The following COL20A1 variants were observed in gnomAD, a reference collection of about 807,000 sequenced individuals.
COL20A1 encodes the protein collagen type XX alpha 1 chain.
In COL20A1, 164 loss-of-function variants were observed where a neutral mutation model predicts 152.9. The ratio of observed to expected loss-of-function variants is 1.07; its 90% confidence interval spans 0.94 to 1.22. The LOEUF (loss-of-function observed/expected upper bound fraction) is 1.22. Ranked by LOEUF, COL20A1 falls within the 50% of genes most tolerant of loss-of-function variation. The pLI, the probability that COL20A1 is intolerant of heterozygous loss-of-function variation, is 0.00. For synonymous variants in COL20A1, 864 were observed against 756.0 expected (o/e 1.14, Z -2.34); for missense variants, 1,873 against 1,744.8 (o/e 1.07, Z -1.31).
At position 63,333,010 on chromosome 20, in the gene COL20A1, A is replaced by G. The variant is rs2068352095; in HGVS notation, c.*2294A>G. The G allele has an allele frequency of 6.6e-6, 1 of 151,894 alleles. No individual in the cohort carries two copies. Among genetic ancestry groups the G allele is most frequent in the Non-Finnish European group, 1.5e-5 (1 of 67,980 alleles). 9.4% of individuals were successfully genotyped at this position (151,894 alleles called of 1,614,324 possible). A position where few individuals can be genotyped will look rare whatever the true frequency, so the allele number is the denominator to read the frequency against. On this transcript the variant is annotated 3_prime_UTR_variant, in exon 36 of 36. Coordinates refer to ENST00000358894, the MANE Select transcript of COL20A1 (RefSeq NM_020882.4). The stretch of plus-strand genomic sequence containing the variant: ...CTCCCATCAGCCCCGACTCCACCGC[A>G]TCCCTCTGGGTCCTTTTAGGAGCCC...
intron 21 of COL20A1, among the ~76,000 whole-genome samples, chr20:63,317,794 C>T (rs1427642840): frequency 6.6e-6 from 1 of 152,040 alleles, no homozygotes; most frequent in African/African-American, 2.4e-5. Flanking sequence ...GTATAGTTGC[C>T]CTCTGCCCTC....
chr20:63,297,600 C>T (rs2067814650), intron 2 of COL20A1, among the ~76,000 whole-genome samples: 1 of 152,204 alleles, frequency 6.6e-6, no homozygotes, highest in Non-Finnish European at 1.5e-5. Context: ...GTGGGAGGAC[C>T]CCCGGAGAGC....
At chr20:63,307,222 C>T (rs2067936889) in intron 5 of COL20A1, among the ~76,000 whole-genome samples, 1 of 152,250 alleles carries the variant, frequency 6.6e-6, no homozygotes, top group Non-Finnish European at 1.5e-5. Context: ...GCTTCTGGGC[C>T]TGATGTCTGG....
intron 29 of COL20A1, 32 bp downstream of exon 29, chr20:63,325,753 G>A: frequency 6.2e-7 from 1 of 1,600,492 alleles, no homozygotes; most frequent in Non-Finnish European, 8.5e-7. Flanking sequence ...GGTTCTGTCA[G>A]GGTGGTAGAG....
At chr20:63,325,331 G>T in intron 27 of COL20A1, 110 bp from the exon 28 acceptor site, 1 of 853,886 alleles carries the variant, frequency 1.2e-6, no homozygotes, top group East Asian at 2.5e-5. Flanking sequence ...AGGGCTCGCC[G>T]GGGACCCAGG....
In COL20A1 at chr20:63,319,551, C is replaced by T. The variant is rs761578994; in HGVS notation, c.2871C>T (p.Phe957=). The T allele has an allele frequency of 2.1e-5, 33 of 1,598,024 alleles. No homozygotes were observed. Among genetic ancestry groups the T allele is most frequent in the African/African-American group, 8.0e-5 (6 of 74,540 alleles). The change falls in exon 23 of 36, where the codon TTC becomes TTT. Residue 957 remains phenylalanine, a synonymous_variant. Transcript: ENST00000358894. The surrounding 1 kb of genome is among the most constrained non-coding windows in gnomAD (Gnocchi z 4.4). ...GGGCTGCCTTGCAGGAGGCCACCTT[C>T]GACCCGCAGGAAGTGAGGAAGATTT... ...DPRAALQEAT[F]DPQEVRKIFF... is the part of the protein sequence containing the mutation.
Position 63,309,504 on chromosome 20 carries a change from G to A in COL20A1, c.1105+7G>A, listed in dbSNP as rs2067975778. 6.7e-7 allele frequency: 1 copy of A among 1,502,986 alleles called. No individual in the cohort carries two copies. Among genetic ancestry groups the A allele is most frequent in the Non-Finnish European group, 8.9e-7 (1 of 1,121,734 alleles). 93.1% of individuals were successfully genotyped at this position (1,502,986 alleles called of 1,614,324 possible). ...AGCCCGCGGCAGGGCCCAGGTGAGG[G>A]GCAGGGTCACCCGCACAGGCTGCAG... On this transcript the variant is annotated splice_region_variant and intron_variant, in intron 9 of 35. Coordinates refer to ENST00000358894, the MANE Select transcript of COL20A1 (RefSeq NM_020882.4).
In COL20A1 at chr20:63,310,432, C is replaced by G. The variant is rs772983475; in HGVS notation, c.1315C>G (p.Arg439Gly). 7 of 1,610,112 alleles carry G rather than the reference C, an allele frequency of 4.3e-6. No individual in the cohort carries two copies. The highest frequency in any genetic ancestry group is 1.1e-5 in the South Asian group (1 of 90,302). ...CACGGAGCTGCACAACCTGGCCTCC[C>G]GCACAGAGTACCTGGTCTCCGTGTT... is the stretch of plus-strand genomic sequence containing the variant. ...ASTELHNLASRTEYLVSVFPI... is the reference protein window; with the variant it reads ...ASTELHNLASGTEYLVSVFPI... Residue 439 changes from arginine to glycine, a missense_variant, in exon 11 of 36, where the codon CGC becomes GGC. By Grantham distance (125) the Arg-to-Gly change is moderately radical. Coordinates refer to ENST00000358894, the MANE Select transcript of COL20A1 (RefSeq NM_020882.4).
chr20:63,305,414 C>T lies in COL20A1; in HGVS notation c.194-3C>T, dbSNP rs367882405. On this transcript the variant is annotated splice_region_variant and splice_polypyrimidine_tract_variant and intron_variant, in intron 3 of 35. Transcript: ENST00000358894. The surrounding 1 kb of genome is among the most constrained non-coding windows in gnomAD (Gnocchi z 4.9). ...CTCTAAAGCTCTCCCCACCCCTACCCAGGGGACTCGGAACAGGAGGTGATA... is the reference window on the plus strand; with the variant it reads ...CTCTAAAGCTCTCCCCACCCCTACCTAGGGGACTCGGAACAGGAGGTGATA... 6.6e-7 allele frequency: 1 copy of T among 1,526,446 alleles called. No homozygotes were observed. Among genetic ancestry groups the T allele is most frequent in the Non-Finnish European group, 8.8e-7 (1 of 1,140,686 alleles). 94.6% of individuals were successfully genotyped at this position (1,526,446 alleles called of 1,614,324 possible).
At chr20:63,294,547 C>T (rs1040620774) in intron 1 of COL20A1, among the ~76,000 whole-genome samples, 2 of 152,100 alleles carry the variant, frequency 1.3e-5, no homozygotes, top group East Asian at 1.9e-4. Context: ...ACACACCCTG[C>T]ACCCCCGGCT....
At chr20:63,328,672 C>G (rs1468004779) in intron 34 of COL20A1, among the ~76,000 whole-genome samples, 174 bp downstream of exon 34, 1 of 152,210 alleles carries the variant, frequency 6.6e-6, no homozygotes, top group Non-Finnish European at 1.5e-5. Flanking sequence ...TGAGCCCACA[C>G]AAAGCCAGTC....
Position 63,320,175 on chromosome 20 carries a change from G to T in COL20A1, c.3053G>T (p.Gly1018Val), listed in dbSNP as rs560093450. 1 of 1,561,862 alleles carries T rather than the reference G, an allele frequency of 6.4e-7. No homozygotes were observed. ...VTLGRLAKAR[G>V]PRSSSAAFQL... ...CTGGGGAGGCTGGCCAAGGCCAGGG[G>T]CCCCCGGAGCAGTTCGGCCGCGGTG... The change falls in exon 24 of 36, where the codon GGC becomes GTC. Residue 1018 changes from glycine to valine, a missense_variant. Transcript: ENST00000358894.
In COL20A1 at chr20:63,314,140, C is replaced by T; in HGVS notation, c.2427C>T (p.Val809=). The change falls in exon 19 of 36, where the codon GTC becomes GTT. Residue 809 remains valine (V), a synonymous_variant. Coordinates refer to ENST00000358894, the MANE Select transcript of COL20A1 (RefSeq NM_020882.4). ...PDLQAATKYR[V]LVSAIYAAGR... ...TGCAGGCAGCCACGAAGTACAGGGT[C>T]CTGGTCTCAGCTATCTATGCAGCAG... is the stretch of plus-strand genomic sequence containing the variant. The T allele has an allele frequency of 6.2e-7, 1 of 1,606,394 alleles. No homozygotes were observed. Among genetic ancestry groups the T allele is most frequent in the Middle Eastern group, 1.7e-4 (1 of 6,044 alleles).
At chr20:63,309,697 G>A in intron 9 of COL20A1, 61 bp from the exon 10 acceptor site, 2 of 1,427,788 alleles carry the variant, frequency 1.4e-6, no homozygotes, top group Non-Finnish European at 1.9e-6. Flanking sequence ...CCACCAGGGG[G>A]AGCGTGGACA....
At chr20:63,323,527 G>A (rs6011733) in intron 27 of COL20A1, among the ~76,000 whole-genome samples, 143,791 of 152,250 alleles carry the variant, frequency 0.94, 68,424 homozygotes, top group East Asian at 1. Flanking sequence ...TTTTGTTACA[G>A]CACTGGGGAG....
intron 29 of COL20A1, 62 bp from the exon 30 acceptor site, chr20:63,326,034 A>G: frequency 6.9e-7 from 1 of 1,457,122 alleles, no homozygotes; most frequent in South Asian, 1.1e-5. Flanking sequence ...GGGGGCTGTC[A>G]CCATGGGAGG....
chr20:63,313,166 G>A lies in COL20A1; in HGVS notation c.2126G>A (p.Arg709Lys). The A allele has an allele frequency of 6.2e-7, 1 of 1,612,426 alleles. No homozygotes were observed. The highest frequency in any genetic ancestry group is 8.5e-7 in the Non-Finnish European group (1 of 1,179,718). Residue 709 changes from arginine (R) to lysine (K), a missense_variant, in exon 17 of 36, where the codon AGG (arginine) becomes AAG (lysine). Physicochemically the swap from Arg to Lys is conservative, Grantham distance 26. Coordinates refer to ENST00000358894, the MANE Select transcript of COL20A1 (RefSeq NM_020882.4). The surrounding 1 kb of genome is among the most constrained non-coding windows in gnomAD (Gnocchi z 5.9). ...ACGGCCGTCCTGCCTGGCCTAGGGA[G>A]GCACACAGAGTACGACGTCACCATC... The part of the protein sequence containing the change: ...LGTAVLPGLG[R>K]HTEYDVTILA...
In COL20A1 at chr20:63,309,430, G is replaced by A. The variant is rs764316070; in HGVS notation, c.1038G>A (p.Ala346=). ...HSVLDFLQLG[A]LAGLLSRLIC... is the part of the protein sequence containing the mutation. ...TGCTGGACTTCCTGCAGCTCGGCGC[G>A]CTGGCTGGCCTGCTCAGCCGTCTCA... Residue 346 remains alanine, a synonymous_variant, in exon 9 of 36, where the codon GCG becomes GCA. Coordinates refer to ENST00000358894, the MANE Select transcript of COL20A1 (RefSeq NM_020882.4). The A allele has an allele frequency of 1.4e-4, 210 of 1,546,994 alleles. 1 individual carries two copies. Among genetic ancestry groups the A allele is most frequent in the South Asian group, 4.7e-4 (39 of 83,820 alleles).
intron 27 of COL20A1, chr20:63,324,848 T>G (rs2068219955): frequency 5.9e-6 from 1 of 169,248 alleles, no homozygotes; most frequent in Admixed American, 5.6e-5. Flanking sequence ...GGATTTCCCA[T>G]AAAACCTGAG....
Sources: gnomAD v4.1 joint callset for allele counts (sites outside exome capture counted in the v4.1 genomes callset) on GRCh38, gnomAD v4.1.1 for gene constraint, Gnocchi (gnomAD v3.1) non-coding constraint, MANE v1.5 for transcripts, NCBI Gene and HGNC (gene_info 2026-07-23, HGNC 2026-07-21) for gene names.